Variants in CSNK2A2 observed in about 807,000 individuals in gnomAD.
CSNK2A2 encodes casein kinase 2 alpha 2, also known as casein kinase II subunit alpha'.
In CSNK2A2, 8 loss-of-function variants were observed where a neutral mutation model predicts 54.0. The ratio of observed to expected loss-of-function variants is 0.15; its 90% confidence interval spans 0.09 to 0.27. The LOEUF (loss-of-function observed/expected upper bound fraction) is 0.27. Ranked by LOEUF, CSNK2A2 falls within the 10% of genes least tolerant of loss-of-function variation. The pLI, the probability that CSNK2A2 is intolerant of heterozygous loss-of-function variation, is 1.00. For synonymous variants in CSNK2A2, 141 were observed against 153.9 expected (o/e 0.92, Z 0.62); for missense variants, 242 against 439.4 (o/e 0.55, Z 4.02).
At chr16:58,173,690 G>A (rs111299965) in intron 5 of CSNK2A2, among the ~76,000 whole-genome samples, 46 of 152,276 alleles carry the variant, frequency 3.0e-4, no homozygotes, top group African/African-American at 1.1e-3. Context: ...AGGGGATGAC[G>A]ACACATGGCA....
At chr16:58,177,201 A>C (rs1961904440) in intron 4 of CSNK2A2, among the ~76,000 whole-genome samples, 1 of 152,214 alleles carries the variant, frequency 6.6e-6, no homozygotes, top group Non-Finnish European at 1.5e-5. Flanking sequence ...TTCACAGTCA[A>C]TGGAACAAAA....
At chr16:58,191,621 C>G (rs1962323666) in intron 2 of CSNK2A2, among the ~76,000 whole-genome samples, 1 of 152,130 alleles carries the variant, frequency 6.6e-6, no homozygotes. Flanking sequence ...CCTCGGCCTA[C>G]CAAAGGGCTG....
At chr16:58,170,996 C>G (rs2550352) in intron 5 of CSNK2A2, among the ~76,000 whole-genome samples, 47,667 of 151,914 alleles carry the variant, frequency 0.31, 8,111 homozygotes, top group African/African-American at 0.43. Flanking sequence ...CTACCTACCA[C>G]TAGAGCCCCC....
intron 4 of CSNK2A2, among the ~76,000 whole-genome samples, chr16:58,177,846 T>G (rs982999570): frequency 1.3e-5 from 2 of 152,176 alleles, no homozygotes; most frequent in Non-Finnish European, 2.9e-5. Context: ...AGTTTAAGAA[T>G]TGTTTACATG....
chr16:58,178,611 A>G (rs1961943445), intron 4 of CSNK2A2, among the ~76,000 whole-genome samples: 1 of 152,134 alleles, frequency 6.6e-6, no homozygotes. Flanking sequence ...GGAGGTTGCT[A>G]CAATTATTCA....
At chr16:58,173,638 G>A (rs1351214070) in intron 5 of CSNK2A2, among the ~76,000 whole-genome samples, 3 of 152,094 alleles carry the variant, frequency 2.0e-5, no homozygotes, top group Non-Finnish European at 2.9e-5. Flanking sequence ...CTGCATTAAC[G>A]AGCCACGGCT....
chr16:58,186,581 T>C, intron 3 of CSNK2A2, among the ~76,000 whole-genome samples, 174 bp downstream of exon 3: 1 of 152,180 alleles, frequency 6.6e-6, no homozygotes, highest in East Asian at 1.9e-4. Context: ...ACAGTGGTGG[T>C]AGCTGTTTTA....
At chr16:58,171,059 G>A (rs1961722468) in intron 5 of CSNK2A2, among the ~76,000 whole-genome samples, 1 of 152,002 alleles carries the variant, frequency 6.6e-6, no homozygotes, top group African/African-American at 2.4e-5. Context: ...TGTCCCCTGG[G>A]GGACAAGCTT....
chr16:58,186,158 C>A (rs1276545897), intron 3 of CSNK2A2, among the ~76,000 whole-genome samples: 3 of 152,148 alleles, frequency 2.0e-5, no homozygotes, highest in Non-Finnish European at 4.4e-5. Context: ...TTAAGTTACT[C>A]CCTAGGGAGA....
chr16:58,177,968 C>CA (rs1186736632), intron 4 of CSNK2A2, among the ~76,000 whole-genome samples: 1 of 152,174 alleles, frequency 6.6e-6, no homozygotes. Flanking sequence ...CTGAAAATGT[C>CA]ACTTATTTTC....
At chr16:58,193,773 T>G (rs981735121) in intron 2 of CSNK2A2, among the ~76,000 whole-genome samples, 1 of 152,240 alleles carries the variant, frequency 6.6e-6, no homozygotes, top group Non-Finnish European at 1.5e-5. Flanking sequence ...TGTAGCTTTC[T>G]GCCCTGCCAT....
Position 58,186,736 on chromosome 16 carries a change from C to T in CSNK2A2, c.318+19G>A. The T allele has an allele frequency of 1.3e-6, 2 of 1,598,758 alleles. No individual in the cohort carries two copies. Among genetic ancestry groups the T allele is most frequent in the Admixed American group, 1.7e-5 (1 of 59,830 alleles). On this transcript the variant is annotated intron_variant, in intron 3 of 11. Transcript: ENST00000262506. ...CACCCCGGTCTACTAGTATACTCCC[C>T]CAACCATTTGGCACCTACCACGGGG...
intron 11 of CSNK2A2, chr16:58,163,687 A>G (rs1275393335): frequency 1.3e-5 from 2 of 157,548 alleles, no homozygotes; most frequent in African/African-American, 4.8e-5. Flanking sequence ...AAGGAAACCC[A>G]GACCACAATG....
chr16:58,189,495 C>T (rs574776128), intron 2 of CSNK2A2, among the ~76,000 whole-genome samples: 3 of 152,246 alleles, frequency 2.0e-5, no homozygotes, highest in South Asian at 4.1e-4. Context: ...GCCTTTATGA[C>T]GCTGCCCCAT....
intron 4 of CSNK2A2, among the ~76,000 whole-genome samples, chr16:58,180,274 T>C (rs932072206): frequency 6.6e-6 from 1 of 151,060 alleles, no homozygotes; most frequent in Non-Finnish European, 1.5e-5. Context: ...TTTTAAAAGA[T>C]TAACGACAGA....
intron 5 of CSNK2A2, among the ~76,000 whole-genome samples, chr16:58,170,823 T>C (rs1961714206): frequency 3.3e-5 from 5 of 152,166 alleles, no homozygotes; most frequent in Admixed American, 3.3e-4. Flanking sequence ...ATTAGATTGT[T>C]AAGCTCCATT....
intron 2 of CSNK2A2, among the ~76,000 whole-genome samples, chr16:58,190,284 T>C (rs1962294687): frequency 6.6e-6 from 1 of 152,108 alleles, no homozygotes; most frequent in South Asian, 2.1e-4. Flanking sequence ...ACAACTGAAC[T>C]GACAAATTCA....
chr16:58,197,152 G>A lies in CSNK2A2; in HGVS notation c.105-308C>T. On this transcript the variant is annotated intron_variant, in intron 1 of 11. Transcript: ENST00000262506. This position sits in a 1 kb window ranked among gnomAD's most constrained non-coding sequence, Gnocchi z 4.0. ...TAGAGGGTGCCCCCTGTGCCCCGCG[G>A]CTCCCCAGCACCTGCTTCTCGTTTC... 1 of 362,268 alleles carries A rather than the reference G, an allele frequency of 2.8e-6. No individual in the cohort carries two copies. The highest frequency in any genetic ancestry group is 5.2e-6 in the Non-Finnish European group (1 of 193,644). The allele number at this position is 362,268 out of a possible 1,614,324, so 22.4% of individuals were successfully genotyped here. A position where few individuals can be genotyped will look rare whatever the true frequency, so the allele number is the denominator to read the frequency against.
chr16:58,191,371 A>AT lies in CSNK2A2; in HGVS notation c.217-4516dup, dbSNP rs1036141591. ...GGTAAATTTTATGTTATTTTATTTTATTTTTTTTTAGACGAGTTTCACTTT... is the reference window on the plus strand; with the variant it reads ...GGTAAATTTTATGTTATTTTATTTTATTTTTTTTTTAGACGAGTTTCACTTT... On this transcript the variant is annotated intron_variant, in intron 2 of 11. Transcript: ENST00000262506. Among the ~76,000 whole-genome samples, 26 of 151,080 alleles carry AT rather than the reference A, an allele frequency of 1.7e-4. No homozygotes were observed. In the East Asian group the frequency reaches 2.1e-3, roughly 12 times the overall value.
Sources: gnomAD v4.1 joint callset for allele counts (sites outside exome capture counted in the v4.1 genomes callset) on GRCh38, gnomAD v4.1.1 for gene constraint, Gnocchi (gnomAD v3.1) non-coding constraint, MANE v1.5 for transcripts, NCBI Gene and HGNC (gene_info 2026-07-23, HGNC 2026-07-21) for gene names.